CEP131: variants seen among roughly 807,000 people sequenced by gnomAD.
CEP131 encodes centrosomal protein 131, also known as centrosomal protein of 131 kDa.
In CEP131, 99 loss-of-function variants were observed where a neutral mutation model predicts 136.8. That is an observed-to-expected ratio of 0.72 (90% CI 0.62 to 0.86). The LOEUF (loss-of-function observed/expected upper bound fraction) is 0.86, where lower values mean the gene tolerates loss of function less well. CEP131 is among the 40% of genes least tolerant of loss of function. The probability of loss-of-function intolerance (pLI) is 0.00; values close to 1 mark genes in which losing one functional copy is unlikely to be tolerated. For missense variants in CEP131, 1,459 were observed against 1,463.0 expected, an observed-to-expected ratio of 1.00 and a Z score of 0.04; for synonymous variants, 646 against 612.7, an observed-to-expected ratio of 1.05 and a Z score of -0.80.
intron 24 of CEP131, 105 bp downstream of exon 24, chr17:81,190,534 T>G: frequency 7.3e-7 from 1 of 1,369,810 alleles, no homozygotes; most frequent in Non-Finnish European, 9.6e-7. Context: ...TCTCTGCATC[T>G]CCTGGCCTTC....
In CEP131 at chr17:81,192,790, C is replaced by T. The variant is rs373456482; in HGVS notation, c.2375G>A (p.Arg792Gln). ...CTCCTCAGCCACCTCACTGTACAGC[C>T]GCTGCCGTTGCTGCTGCAGCGCCCA... ...EQWALQQQRQ[R>Q]LYSEVAEERE... Residue 792 changes from arginine to glutamine, a missense_variant, in exon 19 of 26, where the codon CGG becomes CAG. Arg to Gln is a conservative substitution (Grantham distance 43, BLOSUM62 1). Coordinates refer to ENST00000450824, the MANE Select transcript of CEP131 (RefSeq NM_014984.4). The T allele has an allele frequency of 7.4e-5, 118 of 1,598,130 alleles. No individual in the cohort carries two copies. The highest frequency in any genetic ancestry group is 9.4e-5 in the African/African-American group (7 of 74,866).
chr17:81,221,344 G>A (rs1054730356), intron 1 of CEP131, among the ~76,000 whole-genome samples: 7 of 152,156 alleles, frequency 4.6e-5, no homozygotes, highest in African/African-American at 1.4e-4. Context: ...CCCCCAGCCC[G>A]TCCCCACATG....
At chr17:81,218,983 A>C (rs1488915969) in intron 2 of CEP131, among the ~76,000 whole-genome samples, 4 of 152,210 alleles carry the variant, frequency 2.6e-5, no homozygotes, top group Non-Finnish European at 5.9e-5. Flanking sequence ...GGCCCTTGCT[A>C]TTCGGAAGCT....
chr17:81,200,306 G>A (rs373141042), intron 8 of CEP131, 23 bp downstream of exon 8: 11 of 1,578,666 alleles, frequency 7.0e-6, no homozygotes, highest in African/African-American at 1.4e-5. Context: ...GGAGCATGGA[G>A]TGACTGAGAC....
chr17:81,190,140 G>A (rs1490719377), intron 24 of CEP131, among the ~76,000 whole-genome samples, 165 bp from the exon 25 acceptor site: 2 of 152,194 alleles, frequency 1.3e-5, no homozygotes, highest in Non-Finnish European at 2.9e-5. Flanking sequence ...CAACCCACCT[G>A]CTGTGAGTCA....
chr17:81,199,526 C>G lies in CEP131; in HGVS notation c.1047G>C (p.Leu349=), dbSNP rs1041866828. The part of the protein sequence containing the change: ...AIQELQQKRA[L]RAQKASTAER... ...CGGCAGTGCTCGCCTTCTGGGCTCT[C>G]AGGGCTCGTTTCTGTTGCAGCTCCT... Residue 349 remains leucine, a synonymous_variant, in exon 10 of 26, where the codon CTG becomes CTC. Transcript: ENST00000450824. 4.4e-6 allele frequency: 7 copies of G among 1,607,724 alleles called. No individual in the cohort carries two copies. The highest frequency in any genetic ancestry group is 5.1e-6 in the Non-Finnish European group (6 of 1,177,616).
chr17:81,206,917 AC>A, intron 4 of CEP131, 46 bp from the exon 5 acceptor site: 1 of 1,578,960 alleles, frequency 6.3e-7, no homozygotes, highest in East Asian at 2.3e-5. Context: ...ACACCCAGAC[AC>A]CCCATCCCTT....
intron 15 of CEP131, 34 bp downstream of exon 15, chr17:81,196,667 G>A: frequency 3.1e-6 from 5 of 1,587,886 alleles, no homozygotes; most frequent in Non-Finnish European, 4.3e-6. Context: ...GCCACGCGCT[G>A]GGTCCGGGCC....
chr17:81,212,084 G>A (rs998087207), intron 2 of CEP131, among the ~76,000 whole-genome samples: 2 of 152,048 alleles, frequency 1.3e-5, no homozygotes, highest in Admixed American at 1.3e-4. Flanking sequence ...AGAGGCCGAG[G>A]TGGGCGGATA....
intron 1 of CEP131, among the ~76,000 whole-genome samples, chr17:81,221,124 C>CATA (rs1555617444): frequency 3.7e-5 from 2 of 53,874 alleles, no homozygotes; most frequent in African/African-American, 1.6e-4. Context: ...GACTCCATCT[C>CATA]AAAAAAAAAA....
rs762439659 is a variant in CEP131, at chr17:81,197,080, C to T, written c.1648-25G>A. On this transcript the variant is annotated intron_variant, in intron 13 of 25. Transcript: ENST00000450824. ...CCTGCAGACACAGCCGAGCGTCAGG[C>T]GGAAGCGGCAGAGGACGGGGGGCAG... The T allele has an allele frequency of 2.3e-4, 354 of 1,572,678 alleles. 3 individuals are homozygous for T. Among genetic ancestry groups the T allele is most frequent in the Admixed American group, 1.6e-3 (86 of 54,182 alleles).
chr17:81,201,799 C>T (rs562228800), intron 7 of CEP131, among the ~76,000 whole-genome samples: 2 of 152,116 alleles, frequency 1.3e-5, no homozygotes, highest in Non-Finnish European at 2.9e-5. Context: ...GGGGTCTGCT[C>T]GGTCTCAATA....
chr17:81,192,976 C>T (rs1039650560), intron 18 of CEP131, 133 bp from the exon 19 acceptor site: 2 of 1,403,080 alleles, frequency 1.4e-6, no homozygotes, highest in Non-Finnish European at 1.9e-6. Flanking sequence ...TGCCCCTCCC[C>T]CTCGGCAGTC....
Position 81,200,419 on chromosome 17 carries a change from A to G in CEP131, c.816T>C (p.Thr272=), listed in dbSNP as rs1397429386. Residue 272 remains threonine (T), a synonymous_variant, in exon 8 of 26, where the codon ACT becomes ACC. Coordinates refer to ENST00000450824, the MANE Select transcript of CEP131 (RefSeq NM_014984.4). ...GCCGGTACCAGCGCTGGATGGTGAC[A>G]GTGGCCTGGTTCACCTGGTGGATAA... is the stretch of plus-strand genomic sequence containing the variant. ...ERFIHQVNQA[T]VTIQRWYRHQ... is the part of the protein sequence containing the mutation. The G allele has an allele frequency of 2.6e-6, 4 of 1,554,968 alleles. No homozygotes were observed. The highest frequency in any genetic ancestry group is 3.5e-6 in the Non-Finnish European group (4 of 1,149,706).
chr17:81,196,872 T>G, intron 14 of CEP131, 46 bp from the exon 15 acceptor site: 1 of 1,603,592 alleles, frequency 6.2e-7, no homozygotes, highest in East Asian at 2.2e-5. Flanking sequence ...CCGGTGGGCC[T>G]GGCCTCAGCA....
chr17:81,204,509 G>A (rs2061961617), intron 5 of CEP131, among the ~76,000 whole-genome samples: 2 of 152,132 alleles, frequency 1.3e-5, no homozygotes, highest in South Asian at 2.1e-4. Flanking sequence ...CCAGTGCCCC[G>A]AAGTGAAGCC....
intron 12 of CEP131, 69 bp downstream of exon 12, chr17:81,198,046 G>A (rs2061804560): frequency 6.7e-7 from 1 of 1,487,966 alleles, no homozygotes; most frequent in Admixed American, 2.2e-5. Context: ...AACCCCCACA[G>A]CCACCGCATG....
rs755821278 is a variant in CEP131, at chr17:81,215,871, G to A, written c.177+4009C>T. 6.6e-6 allele frequency among the ~76,000 whole-genome samples: 1 copy of A among 152,168 alleles called. No individual in the cohort carries two copies. The highest frequency in any genetic ancestry group is 2.1e-4 in the South Asian group (1 of 4,828). On this transcript the variant is annotated intron_variant, in intron 2 of 25. Coordinates refer to ENST00000450824, the MANE Select transcript of CEP131 (RefSeq NM_014984.4). The surrounding 1 kb of genome is among the most constrained non-coding windows in gnomAD (Gnocchi z 4.1). The stretch of plus-strand genomic sequence containing the variant: ...ATAAGGAAAATCCAGAGGAGCACTG[G>A]GTGAAGTTCTGGTGCATCATCTGAT...
chr17:81,206,988 C>G, intron 4 of CEP131, 117 bp from the exon 5 acceptor site: 2 of 1,528,812 alleles, frequency 1.3e-6, no homozygotes, highest in Non-Finnish European at 1.8e-6. Flanking sequence ...GGTGGATGTC[C>G]TGGGGTCTGC....
Sources: allele counts gnomAD v4.1 joint callset (sites outside exome capture counted in the v4.1 genomes callset), GRCh38; gene constraint gnomAD v4.1.1; non-coding constraint Gnocchi (gnomAD v3.1); transcripts MANE v1.5; gene names NCBI Gene and HGNC (gene_info 2026-07-23, HGNC 2026-07-21).